The following SS18 variants were observed in gnomAD, a reference collection of about 807,000 sequenced individuals.
SS18 encodes the protein protein SSXT.
In SS18, 28 loss-of-function variants were observed where a neutral mutation model predicts 72.5. The observed-to-expected ratio is 0.39, with a 90% CI of 0.29 to 0.53. The LOEUF is 0.53. Ranked by LOEUF, SS18 falls within the 20% of genes least tolerant of loss-of-function variation. The pLI, the probability that SS18 is intolerant of heterozygous loss-of-function variation, is 0.76. For synonymous variants in SS18, 172 were observed against 164.2 expected (o/e 1.05, Z -0.37); for missense variants, 518 against 535.3 (o/e 0.97, Z 0.32).
chr18:26,059,618 C>A (rs1809131473), intron 3 of SS18, among the ~76,000 whole-genome samples: 1 of 152,144 alleles, frequency 6.6e-6, no homozygotes, highest in South Asian at 2.1e-4. Flanking sequence ...TACAGAAGGG[C>A]CAGCTACTCC....
intron 5 of SS18, among the ~76,000 whole-genome samples, chr18:26,048,252 C>A (rs1414332335): frequency 6.6e-6 from 1 of 152,118 alleles, no homozygotes; most frequent in Non-Finnish European, 1.5e-5. Flanking sequence ...AATTCTATTT[C>A]TAGAATTTAT....
chr18:26,059,083 T>C (rs1364877866), intron 3 of SS18, among the ~76,000 whole-genome samples: 2 of 152,222 alleles, frequency 1.3e-5, no homozygotes, highest in Non-Finnish European at 2.9e-5. Flanking sequence ...GGTCATTTTC[T>C]TGTAATTCAA....
chr18:26,052,013 G>A (rs758993964), intron 5 of SS18, among the ~76,000 whole-genome samples: 3 of 152,134 alleles, frequency 2.0e-5, no homozygotes, highest in Admixed American at 6.5e-5. Context: ...CTGGAAATAA[G>A]CCAAATGTTT....
rs1369180196 is a variant in SS18, at chr18:26,035,405, A to T, written c.974-278T>A. 1 of 372,882 alleles carries T rather than the reference A, an allele frequency of 2.7e-6. No homozygotes were observed. Among genetic ancestry groups the T allele is most frequent in the East Asian group, 5.0e-5 (1 of 19,882 alleles). The allele number at this position is 372,882 out of a possible 1,614,324, so 23.1% of individuals were successfully genotyped here. A position where few individuals can be genotyped will look rare whatever the true frequency, so the allele number is the denominator to read the frequency against. Reference sequence around the variant, plus strand: ...GGAACATCACAGTCATAAGATCATGACTATGCTAAATAAAATAAAAAAGAC... The same window carrying T: ...GGAACATCACAGTCATAAGATCATGTCTATGCTAAATAAAATAAAAAAGAC... On this transcript the variant is annotated intron_variant, in intron 8 of 10. Transcript: ENST00000415083. This position sits in a 1 kb window ranked among gnomAD's most constrained non-coding sequence, Gnocchi z 4.4.
In SS18 at chr18:26,081,041, A is replaced by T. The variant is rs140014606; in HGVS notation, c.147-2881T>A. On this transcript the variant is annotated intron_variant, in intron 2 of 10. Transcript: ENST00000415083. ...ATAAGGAGGTAGGTAAAAATGAAAA[A>T]TTTTCAGTCCGCAGTCCGGCCTGGG... 8.3e-3 allele frequency among the ~76,000 whole-genome samples: 1,207 copies of T among 144,582 alleles called. 17 individuals are homozygous for T. Among genetic ancestry groups the T allele is most frequent in the African/African-American group, 0.029 (1,149 of 39,098 alleles). 94.9% of individuals were successfully genotyped at this position (144,582 alleles called of 152,430 possible). A position where few individuals can be genotyped will look rare whatever the true frequency, so the allele number is the denominator to read the frequency against.
intron 5 of SS18, among the ~76,000 whole-genome samples, chr18:26,048,247 T>C (rs532535096): frequency 6.6e-6 from 1 of 152,360 alleles, no homozygotes; most frequent in African/African-American, 2.4e-5. Context: ...TTAATAATTC[T>C]ATTTCTAGAA....
At chr18:26,046,191 CAAAAAAAAAA>C (rs760639087) in intron 5 of SS18, among the ~76,000 whole-genome samples, 5 of 45,098 alleles carry the variant, frequency 1.1e-4, no homozygotes, top group Admixed American at 4.3e-4. Context: ...GACTCCGTCT[CAAAAAAAAAA>C]AAAAAAAAAA....
intron 4 of SS18, among the ~76,000 whole-genome samples, chr18:26,055,171 CAATT>C (rs1352293154): frequency 3.3e-5 from 5 of 151,670 alleles, no homozygotes; most frequent in Non-Finnish European, 7.4e-5. Flanking sequence ...TTTAAAAAAT[CAATT>C]AATTTTTTAG....
intron 3 of SS18, among the ~76,000 whole-genome samples, chr18:26,063,856 T>C (rs1159803123): frequency 1.3e-5 from 2 of 152,084 alleles, no homozygotes; most frequent in African/African-American, 2.4e-5. Flanking sequence ...AGCTGGCTGT[T>C]TGAGAATATT....
chr18:26,076,174 A>G (rs2054407904), intron 3 of SS18, among the ~76,000 whole-genome samples: 2 of 151,908 alleles, frequency 1.3e-5, no homozygotes, highest in African/African-American at 4.8e-5. Flanking sequence ...ATCTGAATGA[A>G]AATCCCTACA....
At chr18:26,071,878 G>T (rs1329969874) in intron 3 of SS18, among the ~76,000 whole-genome samples, 1 of 151,656 alleles carries the variant, frequency 6.6e-6, no homozygotes, top group Non-Finnish European at 1.5e-5. Context: ...TTCAGACCCA[G>T]ACCAAAACAA....
At chr18:26,027,867 C>G (rs2053478672) in intron 10 of SS18, among the ~76,000 whole-genome samples, 1 of 151,708 alleles carries the variant, frequency 6.6e-6, no homozygotes, top group Non-Finnish European at 1.5e-5. Flanking sequence ...GAAGAAAGTA[C>G]AGGAGAAAAT....
At chr18:26,045,894 G>A (rs1464240703) in intron 5 of SS18, among the ~76,000 whole-genome samples, 2 of 151,928 alleles carry the variant, frequency 1.3e-5, no homozygotes, top group Non-Finnish European at 2.9e-5. Context: ...TAGAAACATT[G>A]AGAATTGGCC....
chr18:26,074,916 TACAG>T (rs1268295319), intron 3 of SS18, among the ~76,000 whole-genome samples: 2 of 151,902 alleles, frequency 1.3e-5, no homozygotes, highest in Non-Finnish European at 2.9e-5. Context: ...AAATTATCAC[TACAG>T]ACAGTGTTGA....
chr18:26,057,638 C>G lies in SS18; in HGVS notation c.336G>C (p.Gly112=). Residue 112 remains glycine, a synonymous_variant, in exon 4 of 11, where the codon GGG becomes GGC. Coordinates refer to ENST00000415083, the MANE Select transcript of SS18 (RefSeq NM_001007559.3). ...HNMPSDGMVG[G]GPPAPHMQNQ... ...TCTGCATGTGCGGTGCAGGAGGACC[C>G]CCACCTACCATTCCATCTGAAGGCA... The G allele has an allele frequency of 6.2e-7, 1 of 1,614,090 alleles. No homozygotes were observed. The highest frequency in any genetic ancestry group is 8.5e-7 in the Non-Finnish European group (1 of 1,180,022).
Position 26,057,085 on chromosome 18 carries a change from C to T in SS18, c.385+504G>A, listed in dbSNP as rs1039506775. Reference sequence around the variant, plus strand: ...CCAATATTTATGTTATGCTATAAACCTATGTATTAAAAAAATTTAGATTCA... The same window carrying T: ...CCAATATTTATGTTATGCTATAAACTTATGTATTAAAAAAATTTAGATTCA... On this transcript the variant is annotated intron_variant, in intron 4 of 10. Transcript: ENST00000415083. 2.0e-5 allele frequency among the ~76,000 whole-genome samples: 3 copies of T among 151,930 alleles called. No homozygotes were observed. The East Asian group carries it at 5.8e-4, about 29-fold the overall frequency.
chr18:26,033,842 C>T (rs1234302929), intron 9 of SS18, among the ~76,000 whole-genome samples: 3 of 151,984 alleles, frequency 2.0e-5, no homozygotes, highest in Non-Finnish European at 4.4e-5. Context: ...CCTCTCTTAC[C>T]ATTGAAGGTA....
At chr18:26,038,834 T>A (rs9953041) in intron 6 of SS18, among the ~76,000 whole-genome samples, 175 bp from the exon 7 acceptor site, 120 of 152,244 alleles carry the variant, frequency 7.9e-4, no homozygotes, top group African/African-American at 2.8e-3. Flanking sequence ...ACACAGCAGC[T>A]CCACATACCA....
At chr18:26,048,722 CAGAA>C (rs1275271546) in intron 5 of SS18, among the ~76,000 whole-genome samples, 1 of 152,154 alleles carries the variant, frequency 6.6e-6, no homozygotes, top group Non-Finnish European at 1.5e-5. Flanking sequence ...AGTACACTGA[CAGAA>C]AGCACAGTGT....
Sources: allele counts gnomAD v4.1 joint callset (sites outside exome capture counted in the v4.1 genomes callset), GRCh38; gene constraint gnomAD v4.1.1; non-coding constraint Gnocchi (gnomAD v3.1); transcripts MANE v1.5; gene names NCBI Gene and HGNC (gene_info 2026-07-23, HGNC 2026-07-21).